EFCAB6: variants seen among roughly 807,000 people sequenced by gnomAD.
The protein encoded by EFCAB6 is EF-hand calcium-binding domain-containing protein 6.
A neutral mutation model predicts 169.8 loss-of-function variants in EFCAB6; 156 were observed. That is an observed-to-expected ratio of 0.92 (90% CI 0.81 to 1.05). The LOEUF is 1.05. Ranked by LOEUF, EFCAB6 falls within the 50% of genes least tolerant of loss-of-function variation. The probability of loss-of-function intolerance (pLI) is 0.00; values close to 1 mark genes in which losing one functional copy is unlikely to be tolerated. For missense variants in EFCAB6, 1,800 were observed against 1,829.1 expected, an observed-to-expected ratio of 0.98 and a Z score of 0.29; for synonymous variants, 698 against 676.4, an observed-to-expected ratio of 1.03 and a Z score of -0.50.
rs143219461 is a variant in EFCAB6 at position 43,542,915 on chromosome 22, A to G, written c.3649-2558T>C. On this transcript the variant is annotated intron_variant, in intron 27 of 31. Transcript: ENST00000262726. ...GCGTCAAAAGCAAGTGAGTTTCCAC[A>G]TCAGCGTGGTGAGGTCTGCGCACGC... 1.3e-5 allele frequency among the ~76,000 whole-genome samples: 2 copies of G among 152,326 alleles called. 1 individual carries two copies. The highest frequency in any genetic ancestry group is 2.9e-5 in the Non-Finnish European group (2 of 68,026).
At chr22:43,720,154 T>C (rs990386474) in intron 8 of EFCAB6, among the ~76,000 whole-genome samples, 2 of 111,524 alleles carry the variant, frequency 1.8e-5, no homozygotes, top group African/African-American at 7.1e-5. Context: ...TTGTCAGTTA[T>C]ACCTCAATAA....
In EFCAB6 at chr22:43,530,835, T is replaced by G. The variant is rs151282295; in HGVS notation, c.4363A>C (p.Ser1455Arg). ...SYDEAGTGLL[S>R]VADFRTVLRQ... ...CTCACCGTCCTGAAATCTGCGACGC[T>G]TAGCAGCCCTGTTCCAGCCTCATCA... Residue 1455 changes from serine to arginine, a missense_variant, in exon 31 of 32, where the codon AGC (serine) becomes CGC (arginine). Ser to Arg is a moderately radical substitution (Grantham distance 110, BLOSUM62 -1). Coordinates refer to ENST00000262726, the MANE Select transcript of EFCAB6 (RefSeq NM_022785.4). 726 of 1,613,984 alleles carry G rather than the reference T, an allele frequency of 4.5e-4. No individual in the cohort carries two copies. The highest frequency in any genetic ancestry group is 5.7e-4 in the Non-Finnish European group (677 of 1,180,052).
intron 17 of EFCAB6, among the ~76,000 whole-genome samples, chr22:43,645,450 G>C (rs1206299587): frequency 1.3e-5 from 2 of 152,174 alleles, no homozygotes; most frequent in Non-Finnish European, 2.9e-5. Context: ...TAGAGAGTTG[G>C]ACCACTACTG....
At chr22:43,720,643 AAG>A (rs1287075452) in intron 8 of EFCAB6, among the ~76,000 whole-genome samples, 3 of 151,874 alleles carry the variant, frequency 2.0e-5, no homozygotes, top group Non-Finnish European at 4.4e-5. Context: ...GAGGGAGGAA[AAG>A]AGAGAGGAAG....
intron 13 of EFCAB6, among the ~76,000 whole-genome samples, chr22:43,674,825 G>C (rs1306883522): frequency 1.3e-5 from 2 of 152,162 alleles, no homozygotes; most frequent in African/African-American, 4.8e-5. Flanking sequence ...ATTTGCACCA[G>C]GTCACAGCTA....
chr22:43,626,484 G>T lies in EFCAB6; in HGVS notation c.2428C>A (p.Pro810Thr). 1.2e-6 allele frequency: 2 copies of T among 1,614,122 alleles called. No homozygotes were observed. The highest frequency in any genetic ancestry group is 1.7e-6 in the Non-Finnish European group (2 of 1,180,030). The change falls in exon 20 of 32, where the codon CCA (proline) becomes ACA (threonine). Residue 810 changes from proline (P) to threonine (T), a missense_variant. Physicochemically the swap from Pro to Thr is conservative, Grantham distance 38 (BLOSUM62 -1). Coordinates refer to ENST00000262726, the MANE Select transcript of EFCAB6 (RefSeq NM_022785.4). ...TGAGGCGCTTCATCTGTTCTCCATGGTCTCTTCTCACACAAATTTTGAAAT... is the reference window on the plus strand; with the variant it reads ...TGAGGCGCTTCATCTGTTCTCCATGTTCTCTTCTCACACAAATTTTGAAAT... ...REFQNLCEKR[P>T]WRTDEAPQRL... is the part of the protein sequence containing the mutation.
At chr22:43,726,662 G>A (rs1489453850) in intron 8 of EFCAB6, among the ~76,000 whole-genome samples, 2 of 152,190 alleles carry the variant, frequency 1.3e-5, no homozygotes, top group African/African-American at 2.4e-5. Flanking sequence ...CAGAAGGCAA[G>A]GAAGGAAAAC....
chr22:43,734,848 T>C (rs972683950), intron 7 of EFCAB6, among the ~76,000 whole-genome samples: 2 of 152,226 alleles, frequency 1.3e-5, no homozygotes, highest in Admixed American at 6.5e-5. Flanking sequence ...TAGACTTCCT[T>C]GCCTCAGGGG....
intron 4 of EFCAB6, among the ~76,000 whole-genome samples, chr22:43,768,858 A>C (rs984709140): frequency 6.6e-6 from 1 of 152,240 alleles, no homozygotes; most frequent in Admixed American, 6.5e-5. Flanking sequence ...AGCAGGAAAT[A>C]ATATTTTAAC....
chr22:43,532,322 C>T (rs1039838471), intron 30 of EFCAB6, among the ~76,000 whole-genome samples: 3 of 152,242 alleles, frequency 2.0e-5, no homozygotes, highest in Admixed American at 6.5e-5. Context: ...TGGCCCCTTT[C>T]ACTGGGGAGG....
rs751274661 is a variant in EFCAB6 at position 43,772,953 on chromosome 22, C to T, written c.290G>A (p.Arg97Lys). 6.2e-7 allele frequency: 1 copy of T among 1,614,216 alleles called. No individual in the cohort carries two copies. Among genetic ancestry groups the T allele is most frequent in the South Asian group, 1.1e-5 (1 of 91,080 alleles). Reference sequence around the variant, plus strand: ...CGGCATCAGGAAGTCTGTGATGATTCTTCTCAGTTCACTTTTTGACACAGT... The same window carrying T: ...CGGCATCAGGAAGTCTGTGATGATTTTTCTCAGTTCACTTTTTGACACAGT... ...NLTVSKSELR[R>K]IITDFLMPLT... Residue 97 changes from arginine (R) to lysine (K), a missense_variant, in exon 4 of 32, where the codon AGA becomes AAA. By Grantham distance (26) the Arg-to-Lys change is conservative. Coordinates refer to ENST00000262726, the MANE Select transcript of EFCAB6 (RefSeq NM_022785.4).
chr22:43,619,880 C>A (rs185714647), intron 20 of EFCAB6, among the ~76,000 whole-genome samples: 3 of 152,144 alleles, frequency 2.0e-5, no homozygotes, highest in East Asian at 3.9e-4. Context: ...TAAATTTACA[C>A]ATTTAAGAAG....
intron 27 of EFCAB6, among the ~76,000 whole-genome samples, chr22:43,546,613 G>T (rs1218421395): frequency 6.6e-6 from 1 of 152,192 alleles, no homozygotes; most frequent in African/African-American, 2.4e-5. Context: ...GCTCACGCCT[G>T]TAATCCCAGC....
intron 5 of EFCAB6, among the ~76,000 whole-genome samples, chr22:43,760,601 G>A (rs571671288): frequency 6.8e-4 from 103 of 151,662 alleles, no homozygotes; most frequent in Middle Eastern, 7.0e-3. Flanking sequence ...ACTGTGAGAG[G>A]ATTAAGAGGT....
At chr22:43,810,848 G>C (rs187596593) in intron 1 of EFCAB6, among the ~76,000 whole-genome samples, 36 of 152,274 alleles carry the variant, frequency 2.4e-4, no homozygotes, top group Admixed American at 2.2e-3. Flanking sequence ...GACTGGATAG[G>C]AGGCAAATAT....
At position 43,672,277 on chromosome 22, in the gene EFCAB6, G is replaced by C; in HGVS notation, c.1448C>G (p.Ala483Gly). 6.2e-7 allele frequency: 1 copy of C among 1,614,148 alleles called. No individual in the cohort carries two copies. Among genetic ancestry groups the C allele is most frequent in the Non-Finnish European group, 8.5e-7 (1 of 1,180,006 alleles). Residue 483 changes from alanine (A) to glycine (G), a missense_variant, in exon 14 of 32, where the codon GCT becomes GGT. By Grantham distance (60) the Ala-to-Gly change is moderately conservative. Transcript: ENST00000262726. Reference protein sequence around the residue: ...RMRKTSPCTDAKTPFLLAWDS... With the variant: ...RMRKTSPCTDGKTPFLLAWDS... Reference sequence around the variant, plus strand: ...CCAGGCCAGGAGGAAAGGTGTCTTAGCATCTGTACAGGGAGATGTCTTTCT... The same window carrying C: ...CCAGGCCAGGAGGAAAGGTGTCTTACCATCTGTACAGGGAGATGTCTTTCT...
At chr22:43,787,765 A>C (rs1048271711) in intron 2 of EFCAB6, among the ~76,000 whole-genome samples, 39 of 152,200 alleles carry the variant, frequency 2.6e-4, no homozygotes, top group Admixed American at 1.7e-3. Flanking sequence ...AGGGACCCAG[A>C]ATAGCCAAAA....
intron 26 of EFCAB6, among the ~76,000 whole-genome samples, chr22:43,567,437 A>T (rs2049519285): frequency 6.6e-6 from 1 of 152,212 alleles, no homozygotes; most frequent in South Asian, 2.1e-4. Flanking sequence ...TGAACATTAA[A>T]CATGCACTCA....
intron 26 of EFCAB6, among the ~76,000 whole-genome samples, chr22:43,563,198 G>A (rs1404343938): frequency 1.3e-5 from 2 of 152,092 alleles, no homozygotes; most frequent in African/African-American, 4.8e-5. Flanking sequence ...CCTGAAGAGT[G>A]GGGACAGCCC....
Sources: allele counts gnomAD v4.1 joint callset (sites outside exome capture counted in the v4.1 genomes callset), GRCh38; gene constraint gnomAD v4.1.1; transcripts MANE v1.5; gene names NCBI Gene and HGNC (gene_info 2026-07-23, HGNC 2026-07-21).